NRXN1: variants seen among roughly 807,000 people sequenced by gnomAD.
The protein encoded by NRXN1 is neurexin 1, also known as neurexin-1.
Under a neutral mutation model 150.9 loss-of-function variants are expected in NRXN1, and 39 were observed. That is an observed-to-expected ratio of 0.26 (90% CI 0.20 to 0.34). The LOEUF is 0.34. Among genes scored for constraint, NRXN1 ranks in the 10% least tolerant of loss-of-function variants. The probability of loss-of-function intolerance (pLI) is 1.00; values close to 1 mark genes in which losing one functional copy is unlikely to be tolerated. For synonymous variants in NRXN1, 924 were observed against 757.0 expected, an observed-to-expected ratio of 1.22 and a Z score of -3.62; for missense variants, 1,815 against 1,949.9, an observed-to-expected ratio of 0.93 and a Z score of 1.30.
At chr2:50,426,516 T>C (rs2084507119) in intron 17 of NRXN1, among the ~76,000 whole-genome samples, 2 of 152,228 alleles carry the variant, frequency 1.3e-5, no homozygotes, top group South Asian at 2.1e-4. Context: ...TTTTGTTTTC[T>C]ACATTCACAC....
intron 2 of NRXN1, among the ~76,000 whole-genome samples, chr2:50,981,457 C>CAAAAAAAAAAA (rs70958635): frequency 4.3e-5 from 1 of 23,270 alleles, no homozygotes; most frequent in Admixed American, 7.0e-4. Context: ...AACTCTATCT[C>CAAAAAAAAAAA]AAAAAAAAAA....
At chr2:50,033,641 C>G (rs1184710428) in intron 21 of NRXN1, among the ~76,000 whole-genome samples, 4 of 151,920 alleles carry the variant, frequency 2.6e-5, no homozygotes. Context: ...TCTAGTTAAA[C>G]CAAAGAGCTT....
intron 2 of NRXN1, among the ~76,000 whole-genome samples, chr2:50,974,282 C>A (rs1268451974): frequency 6.6e-6 from 1 of 152,094 alleles, no homozygotes; most frequent in Non-Finnish European, 1.5e-5. Flanking sequence ...CCATGTTATT[C>A]TCATTTTGGC....
chr2:50,474,650 T>C (rs1235486709), intron 15 of NRXN1, among the ~76,000 whole-genome samples: 9 of 103,736 alleles, frequency 8.7e-5, no homozygotes, highest in African/African-American at 1.6e-4. Flanking sequence ...CCATGGGAGC[T>C]ATAGAACAAT....
At chr2:50,640,186 T>C (rs1236366626) in intron 5 of NRXN1, among the ~76,000 whole-genome samples, 1 of 152,152 alleles carries the variant, frequency 6.6e-6, no homozygotes, top group Admixed American at 6.6e-5. Context: ...CTTTTAATTA[T>C]CACCATAAGA....
At chr2:50,110,509 A>AAAAG (rs1407617889) in intron 18 of NRXN1, among the ~76,000 whole-genome samples, 6 of 151,306 alleles carry the variant, frequency 4.0e-5, no homozygotes, top group Middle Eastern at 3.4e-3. Context: ...AAAAAAAAAA[A>AAAAG]AAAGAAAGAA....
intron 12 of NRXN1, among the ~76,000 whole-genome samples, chr2:50,520,494 C>T (rs1477132402): frequency 6.6e-6 from 1 of 151,672 alleles, no homozygotes; most frequent in African/African-American, 2.4e-5. Flanking sequence ...CTCAATCTCA[C>T]CAGCAGATAT....
chr2:50,988,047 C>A (rs1697984683), intron 2 of NRXN1, among the ~76,000 whole-genome samples: 1 of 152,006 alleles, frequency 6.6e-6, no homozygotes, highest in African/African-American at 2.4e-5. Context: ...TCATACACTA[C>A]TCAGGTCTAT....
chr2:50,244,057 T>A (rs1054620341), intron 17 of NRXN1, among the ~76,000 whole-genome samples: 1 of 151,906 alleles, frequency 6.6e-6, no homozygotes, highest in Non-Finnish European at 1.5e-5. Flanking sequence ...CTAATAAAAA[T>A]GTTTTTCTAA....
chr2:50,654,785 G>A (rs1006144385), intron 5 of NRXN1, among the ~76,000 whole-genome samples: 1 of 152,050 alleles, frequency 6.6e-6, no homozygotes, highest in Non-Finnish European at 1.5e-5. Context: ...GGCCAGTGAT[G>A]ATGAGCATTT....
At position 50,678,518 on chromosome 2, in the gene NRXN1, G is replaced by A. The variant is rs533563392; in HGVS notation, c.833-54903C>T. 2.0e-5 allele frequency among the ~76,000 whole-genome samples: 3 copies of A among 152,214 alleles called. No individual in the cohort carries two copies. In the South Asian group the frequency reaches 6.2e-4, roughly 32 times the overall value. On this transcript the variant is annotated intron_variant, in intron 5 of 22. Coordinates refer to ENST00000401669, the MANE Select transcript of NRXN1 (RefSeq NM_001330078.2). Reference sequence around the variant, plus strand: ...TTTCAACTAGAATCAACTCTTACAAGTCTGCCTTCAGCCATCTGTATCACT... The same window carrying A: ...TTTCAACTAGAATCAACTCTTACAAATCTGCCTTCAGCCATCTGTATCACT...
chr2:50,757,837 T>C (rs1246767670), intron 5 of NRXN1: 1 of 151,424 alleles, frequency 6.6e-6, no homozygotes, highest in Non-Finnish European at 1.5e-5. Context: ...GTGCAAGACA[T>C]AAGTTATTCT....
intron 5 of NRXN1, among the ~76,000 whole-genome samples, chr2:50,736,532 C>T (rs1030624233): frequency 1.1e-4 from 17 of 152,224 alleles, no homozygotes; most frequent in Admixed American, 7.2e-4. Flanking sequence ...TAGGGCGGAC[C>T]TGGTGAGAGA....
chr2:50,256,443 A>T (rs1373963966), intron 17 of NRXN1, among the ~76,000 whole-genome samples: 1 of 152,282 alleles, frequency 6.6e-6, no homozygotes, highest in East Asian at 1.9e-4. Flanking sequence ...CTGAGGAGAA[A>T]GTAGGAAGGC....
At chr2:50,550,505 T>C (rs2105330162) in intron 9 of NRXN1, among the ~76,000 whole-genome samples, 1 of 152,016 alleles carries the variant, frequency 6.6e-6, no homozygotes, top group African/African-American at 2.4e-5. Flanking sequence ...AAGCACTACA[T>C]AAGCCCATGC....
chr2:50,690,755 G>A (rs1478763430), intron 5 of NRXN1, among the ~76,000 whole-genome samples: 1 of 152,026 alleles, frequency 6.6e-6, no homozygotes, highest in Non-Finnish European at 1.5e-5. Context: ...TAATTTATTT[G>A]GTATAAATGA....
chr2:50,500,794 T>A (rs1182757481), intron 13 of NRXN1, among the ~76,000 whole-genome samples: 1 of 152,160 alleles, frequency 6.6e-6, no homozygotes. Context: ...GATAGCAAGG[T>A]TAATATGTGC....
intron 21 of NRXN1, among the ~76,000 whole-genome samples, chr2:50,011,105 T>C (rs1449487382): frequency 6.6e-6 from 1 of 152,190 alleles, no homozygotes; most frequent in East Asian, 1.9e-4. Context: ...TTTATGACAG[T>C]ATCCAGATAA....
chr2:50,308,804 G>C (rs1217437), intron 17 of NRXN1, among the ~76,000 whole-genome samples: 46,957 of 152,092 alleles, frequency 0.31, 8,465 homozygotes, highest in Middle Eastern at 0.52. Flanking sequence ...ATGGTAGACA[G>C]GGAGTCAGAC....
Sources: allele counts gnomAD v4.1 joint callset (sites outside exome capture counted in the v4.1 genomes callset), GRCh38; gene constraint gnomAD v4.1.1; transcripts MANE v1.5; gene names NCBI Gene and HGNC (gene_info 2026-07-23, HGNC 2026-07-21).